AUTS2: variants seen among roughly 807,000 people sequenced by gnomAD.
AUTS2 encodes the protein activator of transcription and developmental regulator AUTS2.
In AUTS2, 17 loss-of-function variants were observed where a neutral mutation model predicts 112.4. That is an observed-to-expected ratio of 0.15 (90% CI 0.10 to 0.23). The LOEUF is 0.23. Ranked by LOEUF, AUTS2 falls within the 10% of genes least tolerant of loss-of-function variation. AUTS2 has a pLI of 1.00. For synonymous variants in AUTS2, 751 were observed against 702.7 expected (o/e 1.07, Z -1.09); for missense variants, 1,510 against 1,701.6 (o/e 0.89, Z 1.98).
intron 5 of AUTS2, among the ~76,000 whole-genome samples, chr7:70,597,703 G>A (rs562269140): frequency 6.6e-6 from 1 of 152,304 alleles, no homozygotes; most frequent in Admixed American, 6.5e-5. Context: ...TATATTTTTG[G>A]TGTAGGTTTC....
intron 2 of AUTS2, among the ~76,000 whole-genome samples, chr7:70,023,988 CTG>C (rs1563047367): frequency 1.3e-5 from 2 of 152,210 alleles, no homozygotes; most frequent in African/African-American, 4.8e-5. Flanking sequence ...GAACTCTTGA[CTG>C]GCACACAGCA....
intron 4 of AUTS2, among the ~76,000 whole-genome samples, chr7:70,192,665 T>C (rs911596293): frequency 6.6e-6 from 1 of 152,174 alleles, no homozygotes; most frequent in Admixed American, 6.5e-5. Context: ...CTGTGTAAAC[T>C]CTCACTTTCT....
intron 1 of AUTS2, among the ~76,000 whole-genome samples, chr7:69,748,806 A>G (rs1305890953): frequency 6.6e-6 from 1 of 152,198 alleles, no homozygotes; most frequent in African/African-American, 2.4e-5. Context: ...TGGTATCTTT[A>G]TAAGAATAGA....
intron 2 of AUTS2, among the ~76,000 whole-genome samples, chr7:69,987,850 T>G (rs944521446): frequency 2.0e-5 from 3 of 152,246 alleles, no homozygotes; most frequent in Non-Finnish European, 4.4e-5. Flanking sequence ...ATTTTCATGT[T>G]GTTCCAGATG....
chr7:70,496,744 G>A (rs370044953), intron 5 of AUTS2, among the ~76,000 whole-genome samples: 165 of 103,958 alleles, frequency 1.6e-3, no homozygotes, highest in African/African-American at 4.8e-3. Flanking sequence ...TCACATCAGC[G>A]TCGATCACAC....
At chr7:70,381,926 T>C (rs1162996877) in intron 4 of AUTS2, among the ~76,000 whole-genome samples, 1 of 152,202 alleles carries the variant, frequency 6.6e-6, no homozygotes, top group East Asian at 1.9e-4. Context: ...GTATACCGTA[T>C]ACCAAGCACT....
chr7:69,912,418 C>T (rs889314366), intron 2 of AUTS2, among the ~76,000 whole-genome samples: 11 of 152,164 alleles, frequency 7.2e-5, no homozygotes, highest in Admixed American at 5.2e-4. Context: ...TTCCTGGCCC[C>T]AGCCGGCTCC....
chr7:70,121,640 A>G (rs1287513750), intron 3 of AUTS2, among the ~76,000 whole-genome samples: 1 of 152,174 alleles, frequency 6.6e-6, no homozygotes, highest in Non-Finnish European at 1.5e-5. Flanking sequence ...TTTTATACCT[A>G]GTAGGATGGT....
chr7:70,584,782 G>A (rs897852045), intron 5 of AUTS2, among the ~76,000 whole-genome samples: 5 of 152,220 alleles, frequency 3.3e-5, no homozygotes, highest in Admixed American at 6.5e-5. Context: ...GGAATCCCTC[G>A]TCCTGCCAGC....
chr7:70,698,410 G>T (rs1005121925), intron 5 of AUTS2, among the ~76,000 whole-genome samples, 159 bp from the exon 6 acceptor site: 2 of 152,152 alleles, frequency 1.3e-5, no homozygotes, highest in African/African-American at 4.8e-5. Flanking sequence ...CTCTCAAGCA[G>T]TCAACTAGCA....
intron 1 of AUTS2, among the ~76,000 whole-genome samples, chr7:69,796,238 C>G (rs1040950883): frequency 5.3e-5 from 8 of 152,138 alleles, no homozygotes; most frequent in African/African-American, 1.9e-4. Flanking sequence ...AGGGAAGAGG[C>G]TGGGTGTGGT....
At chr7:70,101,739 A>C (rs991956290) in intron 2 of AUTS2, among the ~76,000 whole-genome samples, 3 of 152,054 alleles carry the variant, frequency 2.0e-5, no homozygotes, top group African/African-American at 7.2e-5. Flanking sequence ...AAAAAGGTAG[A>C]GAGTATGTCT....
intron 1 of AUTS2, among the ~76,000 whole-genome samples, chr7:69,739,201 AG>A (rs2129243162): frequency 6.6e-6 from 1 of 152,294 alleles, no homozygotes; most frequent in Non-Finnish European, 1.5e-5. Flanking sequence ...AATACCCTTC[AG>A]ATATTAAAAG....
intron 1 of AUTS2, among the ~76,000 whole-genome samples, chr7:69,722,568 T>G (rs1442382648): frequency 6.6e-6 from 1 of 152,090 alleles, no homozygotes; most frequent in Non-Finnish European, 1.5e-5. Flanking sequence ...ACTCCTGGGC[T>G]CGAGTGATCC....
intron 1 of AUTS2, among the ~76,000 whole-genome samples, chr7:69,700,010 C>T (rs1797738496): frequency 6.6e-6 from 1 of 152,176 alleles, no homozygotes; most frequent in African/African-American, 2.4e-5. Context: ...GAAATTGTTA[C>T]AGTGAATGTG....
chr7:69,869,667 A>G (rs1410961716), intron 1 of AUTS2, among the ~76,000 whole-genome samples: 5 of 151,808 alleles, frequency 3.3e-5, no homozygotes, highest in African/African-American at 1.2e-4. Context: ...TTGTATACCT[A>G]TATTCAAAGG....
intron 4 of AUTS2, among the ~76,000 whole-genome samples, chr7:70,305,102 A>G (rs578139753): frequency 3.3e-5 from 5 of 152,238 alleles, no homozygotes; most frequent in African/African-American, 7.2e-5. Context: ...ATAGTATCCT[A>G]TTATATTGAT....
intron 1 of AUTS2, among the ~76,000 whole-genome samples, chr7:69,713,583 C>T (rs1283005425): frequency 6.6e-6 from 1 of 151,880 alleles, no homozygotes; most frequent in Non-Finnish European, 1.5e-5. Context: ...GTCTCAGCCT[C>T]CTGACTAGCT....
intron 5 of AUTS2, among the ~76,000 whole-genome samples, chr7:70,565,661 T>C (rs1801678486): frequency 6.6e-6 from 1 of 152,212 alleles, no homozygotes; most frequent in South Asian, 2.1e-4. Flanking sequence ...TCCTGGGTGA[T>C]AGAGCGAGAC....
Sources: allele counts gnomAD v4.1 joint callset (sites outside exome capture counted in the v4.1 genomes callset), GRCh38; gene constraint gnomAD v4.1.1; transcripts MANE v1.5; gene names NCBI Gene and HGNC (gene_info 2026-07-23, HGNC 2026-07-21).